Variants in SOS2 observed in about 807,000 individuals in gnomAD.
The protein encoded by SOS2 is SOS Ras/Rho guanine nucleotide exchange factor 2.
In SOS2, 65 loss-of-function variants were observed where a neutral mutation model predicts 148.2. The observed-to-expected ratio is 0.44, with a 90% CI of 0.36 to 0.54. The LOEUF is 0.54. Ranked by LOEUF, SOS2 falls within the 20% of genes least tolerant of loss-of-function variation. The pLI, the probability that SOS2 is intolerant of heterozygous loss-of-function variation, is 0.00. For missense variants in SOS2, 1,341 were observed against 1,590.2 expected (o/e 0.84, Z 2.67); for synonymous variants, 539 against 537.1 (o/e 1.00, Z -0.05).
At chr14:50,145,388 C>A in intron 15 of SOS2, 56 bp from the exon 16 acceptor site, 1 of 1,562,258 alleles carries the variant, frequency 6.4e-7, no homozygotes, top group Non-Finnish European at 8.6e-7. Flanking sequence ...ACTTAGAAAA[C>A]AAGATAATTA....
chr14:50,206,830 T>G (rs947014468), intron 1 of SOS2, among the ~76,000 whole-genome samples: 2 of 152,214 alleles, frequency 1.3e-5, no homozygotes, highest in Non-Finnish European at 2.9e-5. Context: ...TTAATTTTTT[T>G]GAGACAGAGT....
At chr14:50,132,426 C>T (rs1179070571) in intron 19 of SOS2, among the ~76,000 whole-genome samples, 3 of 146,284 alleles carry the variant, frequency 2.1e-5, no homozygotes, top group Non-Finnish European at 3.0e-5. Flanking sequence ...TTTGGGAGGT[C>T]GAGGCAGGTG....
chr14:50,180,532 T>TAAAAA (rs748956316), intron 7 of SOS2, 40 bp downstream of exon 7: 72 of 466,592 alleles, frequency 1.5e-4, no homozygotes, highest in African/African-American at 7.2e-4. Flanking sequence ...ATTTGCTTTA[T>TAAAAA]TAAAAAAAAA....
rs1008116082 is a variant in SOS2, at chr14:50,192,821, G to A, written c.511-4121C>T. 2.8e-4 allele frequency among the ~76,000 whole-genome samples: 42 copies of A among 152,100 alleles called. 1 individual carries two copies. The highest frequency in any genetic ancestry group is 1.0e-3 in the African/African-American group (42 of 41,482). On this transcript the variant is annotated intron_variant, in intron 4 of 22. Coordinates refer to ENST00000216373, the MANE Select transcript of SOS2 (RefSeq NM_006939.4). ...AGAGGTTGCAGTGAGCCAAGATCAC[G>A]CCATTATACTCCAGCCTGGTTGAGA...
At chr14:50,180,367 A>T (rs1194060927) in intron 7 of SOS2, among the ~76,000 whole-genome samples, 4 of 147,572 alleles carry the variant, frequency 2.7e-5, no homozygotes, top group African/African-American at 1.0e-4. Flanking sequence ...AGTACTCATG[A>T]TGTTGTACTA....
intron 21 of SOS2, among the ~76,000 whole-genome samples, chr14:50,123,161 G>A (rs901486088): frequency 9.9e-5 from 15 of 152,164 alleles, no homozygotes; most frequent in African/African-American, 3.6e-4. Flanking sequence ...AAGGGAGCAG[G>A]CTGTGAGGCT....
In SOS2 at chr14:50,129,984, G is replaced by A. The variant is rs376113934; in HGVS notation, c.3356C>T (p.Ala1119Val). Residue 1119 changes from alanine to valine, a missense_variant, in exon 21 of 23, where the codon GCT (alanine) becomes GTT (valine). This residue lies in a region of SOS2 where 354 missense variants were observed against 347.7 expected (regional missense o/e 1.02). Transcript: ENST00000216373. ...ACTTGAATGTGGCAAAAGCACTGGA[G>A]CAAAGATGCTATTGCTGCCTATTGG... ...NSSCGSNSIFAPVLLPHSKSF... is the reference protein window; with the variant it reads ...NSSCGSNSIFVPVLLPHSKSF... The A allele has an allele frequency of 5.6e-6, 9 of 1,593,348 alleles. No homozygotes were observed. The highest frequency in any genetic ancestry group is 1.1e-5 in the South Asian group (1 of 88,912).
chr14:50,152,821 C>T (rs1440845178), intron 13 of SOS2, among the ~76,000 whole-genome samples: 1 of 151,968 alleles, frequency 6.6e-6, no homozygotes, highest in Admixed American at 6.6e-5. Context: ...AAAAATTAGC[C>T]AGGCGTGATG....
At chr14:50,226,309 C>T (rs1026865270) in intron 1 of SOS2, among the ~76,000 whole-genome samples, 1 of 152,200 alleles carries the variant, frequency 6.6e-6, no homozygotes, top group Non-Finnish European at 1.5e-5. Flanking sequence ...ACAAATGTTG[C>T]TTGCTTAAAG....
At chr14:50,199,622 C>T in intron 4 of SOS2, 69 bp downstream of exon 4, 1 of 932,788 alleles carries the variant, frequency 1.1e-6, no homozygotes. Flanking sequence ...ATAATGTACA[C>T]AAAAAGATTG....
chr14:50,214,838 CTTT>C (rs565287023), intron 1 of SOS2, among the ~76,000 whole-genome samples: 5 of 136,522 alleles, frequency 3.7e-5, no homozygotes, highest in Admixed American at 7.5e-5. Context: ...TTCTTTCTTT[CTTT>C]TTTTTTTTTT....
intron 21 of SOS2, among the ~76,000 whole-genome samples, chr14:50,121,712 C>G (rs893565195): frequency 7.3e-5 from 11 of 151,434 alleles, no homozygotes; most frequent in African/African-American, 2.7e-4. Context: ...ATTGCTATCT[C>G]AGTCATGTGG....
chr14:50,190,594 G>A (rs1281665776), intron 4 of SOS2, among the ~76,000 whole-genome samples: 1 of 152,156 alleles, frequency 6.6e-6, no homozygotes, highest in East Asian at 1.9e-4. Context: ...GCCTGCCACA[G>A]GTCTTCCCAA....
At chr14:50,122,445 G>A (rs1004075065) in intron 21 of SOS2, among the ~76,000 whole-genome samples, 2 of 135,166 alleles carry the variant, frequency 1.5e-5, no homozygotes, top group Non-Finnish European at 1.5e-5. Flanking sequence ...GCCCAGGCTG[G>A]AGTCCAGGAA....
intron 8 of SOS2, among the ~76,000 whole-genome samples, chr14:50,168,683 T>A (rs1422856870): frequency 6.6e-6 from 1 of 152,236 alleles, no homozygotes; most frequent in African/African-American, 2.4e-5. Flanking sequence ...TGCCGTTTCG[T>A]GATACTGTTT....
chr14:50,221,152 T>C (rs780602314), intron 1 of SOS2, among the ~76,000 whole-genome samples: 1 of 152,260 alleles, frequency 6.6e-6, no homozygotes, highest in Non-Finnish European at 1.5e-5. Context: ...TATTTTACAA[T>C]CTTTCACTAC....
Position 50,186,449 on chromosome 14 carries a change from C to T in SOS2, c.714+2048G>A, listed in dbSNP as rs866569223. On this transcript the variant is annotated intron_variant, in intron 5 of 22. Coordinates refer to ENST00000216373, the MANE Select transcript of SOS2 (RefSeq NM_006939.4). ...CAATTATAACGTGGTAGAAAAGAAG[C>T]CACATTCAAGATTAAGCTCTATAAC... Among the ~76,000 whole-genome samples, 11 of 152,108 alleles carry T rather than the reference C, an allele frequency of 7.2e-5. No individual in the cohort carries two copies. The South Asian group carries it at 2.1e-3, about 29-fold the overall frequency.
chr14:50,145,708 T>A, intron 14 of SOS2, 112 bp from the exon 15 acceptor site: 2 of 636,768 alleles, frequency 3.1e-6, no homozygotes, highest in Non-Finnish European at 5.4e-6. Context: ...GATGAACACA[T>A]ATATGAACAA....
intron 14 of SOS2, among the ~76,000 whole-genome samples, chr14:50,146,134 C>CAAAAAA (rs775495958): frequency 2.3e-5 from 2 of 85,144 alleles, no homozygotes; most frequent in African/African-American, 4.4e-5. Flanking sequence ...GCTCTGTCTC[C>CAAAAAA]AAAAAAAAAA....
Sources: allele counts gnomAD v4.1 joint callset (sites outside exome capture counted in the v4.1 genomes callset), GRCh38; gene constraint gnomAD v4.1.1; regional missense constraint gnomAD v4.1.1; transcripts MANE v1.5; gene names NCBI Gene and HGNC (gene_info 2026-07-23, HGNC 2026-07-21).